Variants in PSD3 observed in about 807,000 individuals in gnomAD.
PSD3 encodes PH and SEC7 domain-containing protein 3.
PSD3 carries 49 observed loss-of-function variants against 105.5 expected under a neutral mutation model. The ratio of observed to expected loss-of-function variants is 0.46; its 90% CI spans 0.37 to 0.59. The LOEUF is 0.59. PSD3 is among the 20% of genes least tolerant of loss of function. The pLI is 0.00. For missense variants in PSD3, 1,561 were observed against 1,263.8 expected, an observed-to-expected ratio of 1.24 and a Z score of -3.57; for synonymous variants, 557 against 457.8, an observed-to-expected ratio of 1.22 and a Z score of -2.77.
chr8:18,856,684 CAAT>C (rs1816038748), intron 4 of PSD3, among the ~76,000 whole-genome samples: 1 of 151,992 alleles, frequency 6.6e-6, no homozygotes, highest in African/African-American at 2.4e-5. Context: ...ATTATAAAGA[CAAT>C]AAAAGAAACT....
chr8:18,559,338 G>C (rs1462205922), intron 14 of PSD3, among the ~76,000 whole-genome samples: 1 of 152,158 alleles, frequency 6.6e-6, no homozygotes, highest in Admixed American at 6.5e-5. Context: ...AAGCCACTGT[G>C]ATTTGAATTT....
At chr8:18,814,462 G>T (rs990946091) in intron 4 of PSD3, among the ~76,000 whole-genome samples, 6 of 152,118 alleles carry the variant, frequency 3.9e-5, no homozygotes, top group Non-Finnish European at 8.8e-5. Context: ...GTTTCTAGGG[G>T]CATGATGCAG....
intron 9 of PSD3, among the ~76,000 whole-genome samples, chr8:18,729,304 C>A (rs923268450): frequency 3.9e-5 from 6 of 152,208 alleles, no homozygotes; most frequent in African/African-American, 1.4e-4. Flanking sequence ...GGAAACAGCT[C>A]TAAGTGGTTC....
intron 1 of PSD3, chr8:19,001,085 A>G (rs1307628508): frequency 7.3e-6 from 1 of 137,360 alleles, no homozygotes; most frequent in Non-Finnish European, 1.6e-5. Flanking sequence ...TTCCACATGT[A>G]TTATCTTTTT....
At chr8:18,913,994 C>T (rs539355756) in intron 2 of PSD3, among the ~76,000 whole-genome samples, 1 of 152,074 alleles carries the variant, frequency 6.6e-6, no homozygotes, top group Non-Finnish European at 1.5e-5. Flanking sequence ...GACACAAGCT[C>T]CGGGCCCATC....
At chr8:19,037,090 C>T (rs1416489959) in intron 1 of PSD3, among the ~76,000 whole-genome samples, 7 of 152,210 alleles carry the variant, frequency 4.6e-5, no homozygotes, top group African/African-American at 1.4e-4. Context: ...AGTCCTTACT[C>T]TATTGCCAGG....
intron 1 of PSD3, among the ~76,000 whole-genome samples, chr8:19,019,352 C>T: frequency 6.6e-6 from 1 of 152,112 alleles, no homozygotes; most frequent in East Asian, 1.9e-4. Context: ...TGATCTATGG[C>T]TCACTCCTCT....
chr8:18,878,364 C>T (rs1817872675), intron 2 of PSD3, among the ~76,000 whole-genome samples: 1 of 152,104 alleles, frequency 6.6e-6, no homozygotes. Flanking sequence ...CAGATCATGT[C>T]ATCTGTGGAT....
At chr8:18,597,049 T>C (rs926770846) in intron 12 of PSD3, among the ~76,000 whole-genome samples, 1 of 152,126 alleles carries the variant, frequency 6.6e-6, no homozygotes, top group African/African-American at 2.4e-5. Context: ...ATTATGAGCA[T>C]AAATGCAAAA....
chr8:19,013,307 T>G (rs1827040371), intron 1 of PSD3, among the ~76,000 whole-genome samples: 2 of 151,722 alleles, frequency 1.3e-5, no homozygotes, highest in African/African-American at 2.4e-5. Flanking sequence ...CTCCAAAGTC[T>G]GAGGTTTTCA....
At chr8:19,077,777 T>C (rs73668929) in intron 1 of PSD3, among the ~76,000 whole-genome samples, 2,594 of 152,306 alleles carry the variant, frequency 0.017, 86 homozygotes, top group African/African-American at 0.055. Context: ...TTATTTATGC[T>C]TATTTAATAG....
At chr8:19,052,297 C>G (rs1270262696) in intron 1 of PSD3, among the ~76,000 whole-genome samples, 1 of 151,874 alleles carries the variant, frequency 6.6e-6, no homozygotes, top group African/African-American at 2.4e-5. Context: ...CACAGTGAAA[C>G]CTCATCTCTA....
intron 2 of PSD3, among the ~76,000 whole-genome samples, chr8:18,882,699 C>T (rs564860890): frequency 6.6e-6 from 1 of 152,082 alleles, no homozygotes; most frequent in Non-Finnish European, 1.5e-5. Context: ...AGCCTATTTA[C>T]ATTTACATTT....
At chr8:18,623,698 G>A (rs541186698) in intron 11 of PSD3, among the ~76,000 whole-genome samples, 17 of 150,810 alleles carry the variant, frequency 1.1e-4, no homozygotes, top group Admixed American at 1.1e-3. Context: ...GTTATCAAGA[G>A]TAATAAAGTA....
At chr8:18,936,675 T>G (rs13273299) in intron 1 of PSD3, among the ~76,000 whole-genome samples, 1 of 151,898 alleles carries the variant, frequency 6.6e-6, no homozygotes, top group African/African-American at 2.4e-5. Context: ...AGAGAATCAC[T>G]TGAACCAGGG....
At chr8:18,818,978 C>T (rs1812461657) in intron 4 of PSD3, among the ~76,000 whole-genome samples, 2 of 152,052 alleles carry the variant, frequency 1.3e-5, no homozygotes, top group South Asian at 4.2e-4. Context: ...ATCAGAGACC[C>T]TTGATGTGAT....
intron 1 of PSD3, among the ~76,000 whole-genome samples, chr8:19,066,775 C>A (rs992697195): frequency 1.3e-5 from 2 of 152,144 alleles, no homozygotes; most frequent in African/African-American, 4.8e-5. Context: ...ACACAACATG[C>A]CCACCCACCC....
chr8:18,682,084 C>G (rs555182665), intron 9 of PSD3, among the ~76,000 whole-genome samples: 11 of 151,988 alleles, frequency 7.2e-5, no homozygotes, highest in African/African-American at 2.7e-4. Flanking sequence ...GTGACAAACA[C>G]AGAGGACAGT....
intron 11 of PSD3, among the ~76,000 whole-genome samples, chr8:18,611,849 C>A (rs1315800324): frequency 6.6e-6 from 1 of 152,060 alleles, no homozygotes; most frequent in Admixed American, 6.6e-5. Flanking sequence ...TATAGATTAG[C>A]CTTTTTCCTT....
Sources: allele counts gnomAD v4.1 joint callset (sites outside exome capture counted in the v4.1 genomes callset), GRCh38; gene constraint gnomAD v4.1.1; transcripts MANE v1.5; gene names NCBI Gene and HGNC (gene_info 2026-07-23, HGNC 2026-07-21).